The following NUP35 variants were observed in gnomAD, a reference collection of about 807,000 sequenced individuals.
The protein encoded by NUP35 is nucleoporin 35, also known as nucleoporin NUP35.
A neutral mutation model predicts 41.5 loss-of-function variants in NUP35; 25 were observed. The observed-to-expected ratio is 0.60, with a 90% CI of 0.44 to 0.84. The LOEUF (loss-of-function observed/expected upper bound fraction) is 0.84, where lower values mean the gene tolerates loss of function less well. NUP35 is among the 40% of genes least tolerant of loss of function. The probability of loss-of-function intolerance (pLI) is 0.00; values close to 1 mark genes in which losing one functional copy is unlikely to be tolerated. For missense variants in NUP35, 396 were observed against 396.6 expected (o/e 1.00, Z 0.01); for synonymous variants, 149 against 130.7 (o/e 1.14, Z -0.96).
intron 2 of NUP35, among the ~76,000 whole-genome samples, chr2:183,129,841 C>T (rs1684634040): frequency 6.6e-6 from 1 of 152,192 alleles, no homozygotes; most frequent in Non-Finnish European, 1.5e-5. Flanking sequence ...CACTATTTGA[C>T]ATTGCATGTT....
chr2:183,159,740 C>A, intron 8 of NUP35, 88 bp downstream of exon 8: 1 of 1,049,286 alleles, frequency 9.5e-7, no homozygotes, highest in Non-Finnish European at 1.4e-6. Flanking sequence ...ATTTGTATGC[C>A]ATTAAATGTT....
intron 7 of NUP35, 41 bp from the exon 8 acceptor site, chr2:183,159,440 ATATGTAT>A: frequency 7.1e-7 from 1 of 1,403,886 alleles, no homozygotes; most frequent in South Asian, 1.3e-5. Flanking sequence ...ATACTGGATG[ATATGTAT>A]TATGTTTATA....
In NUP35 at chr2:183,128,414, C is replaced by T. The variant is rs747031787; in HGVS notation, c.168C>T (p.Gly56=). Residue 56 remains glycine (G), a synonymous_variant, in exon 2 of 9, where the codon GGC becomes GGT. Transcript: ENST00000295119. ...CTCCACAACCTCGATCAATTAGTGG[C>T]CCTTCAGTAGGAGTAATGGAAATGA... is the stretch of plus-strand genomic sequence containing the variant. ...PVTPQPRSIS[G]PSVGVMEMRS... The T allele has an allele frequency of 3.1e-6, 5 of 1,613,632 alleles. No individual in the cohort carries two copies. Among genetic ancestry groups the T allele is most frequent in the East Asian group, 2.2e-5 (1 of 44,856 alleles).
intron 8 of NUP35, chr2:183,160,158 T>G (rs916705894): frequency 3.9e-5 from 6 of 154,076 alleles, no homozygotes; most frequent in African/African-American, 1.4e-4. Context: ...TCTCATTCAG[T>G]ATATTATTGT....
At chr2:183,128,545 G>T in intron 2 of NUP35, 88 bp downstream of exon 2, 1 of 795,400 alleles carries the variant, frequency 1.3e-6, no homozygotes, top group South Asian at 3.2e-5. Flanking sequence ...ATTGGAAGAA[G>T]AATTGACTTG....
At chr2:183,124,783 T>G (rs1684382107) in intron 1 of NUP35, among the ~76,000 whole-genome samples, 1 of 152,214 alleles carries the variant, frequency 6.6e-6, no homozygotes, top group African/African-American at 2.4e-5. Flanking sequence ...CACGTTAGAC[T>G]GGCCCATACC....
rs138283148 is a variant in NUP35, at chr2:183,125,831, G to A, written c.40+1334G>A. 3.2e-3 allele frequency among the ~76,000 whole-genome samples: 492 copies of A among 152,304 alleles called. 4 individuals carry two copies. The highest frequency in any genetic ancestry group is 0.011 in the African/African-American group (467 of 41,566). On this transcript the variant is annotated intron_variant, in intron 1 of 8. Transcript: ENST00000295119. ...CACTGGTGTAGTAAAACTAAGGGTT[G>A]ACTTCAACAAACTGCTAGCTGAGTA...
chr2:183,152,110 A>AACAC (rs67798004), intron 5 of NUP35, among the ~76,000 whole-genome samples: 3,522 of 113,332 alleles, frequency 0.031, 131 homozygotes, highest in African/African-American at 0.093. Context: ...AACATTTACA[A>AACAC]ACACACACAC....
chr2:183,140,357 C>G (rs547080037), intron 4 of NUP35, among the ~76,000 whole-genome samples: 1 of 151,974 alleles, frequency 6.6e-6, no homozygotes, highest in East Asian at 1.9e-4. Flanking sequence ...TTCCTCTTCC[C>G]CTTTTAAGGA....
intron 4 of NUP35, among the ~76,000 whole-genome samples, chr2:183,138,428 A>C (rs983807210): frequency 6.6e-6 from 1 of 151,820 alleles, no homozygotes; most frequent in East Asian, 1.9e-4. Context: ...TTTGCATCCA[A>C]TAAAGAGGTT....
intron 4 of NUP35, among the ~76,000 whole-genome samples, chr2:183,138,371 G>A (rs914404024): frequency 3.3e-5 from 5 of 149,302 alleles, no homozygotes; most frequent in Non-Finnish European, 7.4e-5. Flanking sequence ...ATAAAGAGAT[G>A]TCATGGGATA....
intron 8 of NUP35, chr2:183,160,619 T>TTCGC (rs1685838124): frequency 6.6e-6 from 1 of 151,980 alleles, no homozygotes; most frequent in Non-Finnish European, 1.5e-5. Flanking sequence ...CCTCAAGTAA[T>TTCGC]CTGCCCACCT....
Position 183,130,402 on chromosome 2 carries a change from T to C in NUP35, c.212-16T>C. The C allele has an allele frequency of 1.4e-6, 2 of 1,439,704 alleles. No individual in the cohort carries two copies. The highest frequency in any genetic ancestry group is 2.6e-5 in the Admixed American group (1 of 39,106). 89.2% of individuals were successfully genotyped at this position (1,439,704 alleles called of 1,614,324 possible). On this transcript the variant is annotated splice_polypyrimidine_tract_variant and intron_variant, in intron 2 of 8. Coordinates refer to ENST00000295119, the MANE Select transcript of NUP35 (RefSeq NM_138285.5). ...AGAAGAATCCCTTTTTTTTTTTTTT[T>C]TTTTGTACACTGTAGGTGGGTCACC... is the stretch of plus-strand genomic sequence containing the variant.
intron 4 of NUP35, among the ~76,000 whole-genome samples, chr2:183,140,267 C>T (rs1177608171): frequency 6.6e-6 from 1 of 151,934 alleles, no homozygotes; most frequent in African/African-American, 2.4e-5. Context: ...TAGAGGCTGT[C>T]CACATTCTTT....
chr2:183,119,288 A>G (rs2105522190), intron 1 of NUP35, among the ~76,000 whole-genome samples: 2 of 152,206 alleles, frequency 1.3e-5, no homozygotes, highest in South Asian at 4.2e-4. Flanking sequence ...GTAACCATTT[A>G]TTTTTCAACA....
In NUP35 at chr2:183,131,009, T is replaced by A. The variant is rs906634366; in HGVS notation, c.339+464T>A. 3.3e-6 allele frequency: 3 copies of A among 905,220 alleles called. No individual in the cohort carries two copies. In the African/African-American group the frequency reaches 5.1e-5, roughly 15 times the overall value. 56.1% of individuals were successfully genotyped at this position (905,220 alleles called of 1,614,324 possible). ...TCTTTTTTTAGGGTCCCCAACAGGG[T>A]CCTGATCAGTTGCCCAGGCTAGAGT... On this transcript the variant is annotated intron_variant, in intron 3 of 8. Coordinates refer to ENST00000295119, the MANE Select transcript of NUP35 (RefSeq NM_138285.5).
At chr2:183,139,506 T>C (rs983039570) in intron 4 of NUP35, among the ~76,000 whole-genome samples, 3 of 152,040 alleles carry the variant, frequency 2.0e-5, no homozygotes, top group Middle Eastern at 3.2e-3. Context: ...TATGATTGAG[T>C]TAAGGATTTT....
intron 5 of NUP35, among the ~76,000 whole-genome samples, chr2:183,155,876 C>A (rs1353865214): frequency 6.6e-6 from 1 of 152,082 alleles, no homozygotes; most frequent in Non-Finnish European, 1.5e-5. Context: ...TTAACTCTCC[C>A]AGCTGTTTAT....
intron 2 of NUP35, 40 bp downstream of exon 2, chr2:183,128,497 A>T (rs369557232): frequency 6.7e-7 from 1 of 1,496,256 alleles, no homozygotes; most frequent in Non-Finnish European, 9.0e-7. Context: ...GACATGCTAG[A>T]TACAGGGATG....
Sources: allele counts gnomAD v4.1 joint callset (sites outside exome capture counted in the v4.1 genomes callset), GRCh38; gene constraint gnomAD v4.1.1; transcripts MANE v1.5; gene names NCBI Gene and HGNC (gene_info 2026-07-23, HGNC 2026-07-21).